ANKFY1: variants seen among roughly 807,000 people sequenced by gnomAD.
The protein encoded by ANKFY1 is ankyrin repeat and FYVE domain containing 1.
In ANKFY1, 47 loss-of-function variants were observed where a neutral mutation model predicts 128.3. The observed-to-expected ratio is 0.37, with a 90% confidence interval of 0.29 to 0.47. The LOEUF is 0.47. Among genes scored for constraint, ANKFY1 ranks in the 20% least tolerant of loss-of-function variants. The pLI, the probability that ANKFY1 is intolerant of heterozygous loss-of-function variation, is 1.00. For synonymous variants in ANKFY1, 553 were observed against 601.6 expected (o/e 0.92, Z 1.18); for missense variants, 1,222 against 1,510.6 (o/e 0.81, Z 3.17).
rs1160019883 is a variant in ANKFY1, at chr17:4,183,556, G to A, written c.1799-5C>T. The A allele has an allele frequency of 1.9e-6, 3 of 1,611,658 alleles. No individual in the cohort carries two copies. Among genetic ancestry groups the A allele is most frequent in the East Asian group, 4.5e-5 (2 of 44,882 alleles). ...GGGCTGCGATCGTGTGCATGCCTGG[G>A]AAACAAGCCCCGATCTCATCCAGGC... On this transcript the variant is annotated splice_region_variant and splice_polypyrimidine_tract_variant and intron_variant, in intron 13 of 24. Coordinates refer to ENST00000341657, the MANE Select transcript of ANKFY1 (RefSeq NM_001330063.2).
At chr17:4,200,318 C>G (rs1013972173) in intron 7 of ANKFY1, among the ~76,000 whole-genome samples, 4 of 152,170 alleles carry the variant, frequency 2.6e-5, no homozygotes, top group Non-Finnish European at 4.4e-5. Context: ...CCCACCTCAG[C>G]CTCCCAAAGT....
At chr17:4,217,683 ATTAT>A (rs1271265756) in intron 3 of ANKFY1, among the ~76,000 whole-genome samples, 1 of 151,914 alleles carries the variant, frequency 6.6e-6, no homozygotes, top group Non-Finnish European at 1.5e-5. Context: ...AAGAATTAAC[ATTAT>A]TTTTTTTTTC....
chr17:4,231,071 TA>T (rs2060504963), intron 3 of ANKFY1, among the ~76,000 whole-genome samples: 1 of 152,236 alleles, frequency 6.6e-6, no homozygotes, highest in African/African-American at 2.4e-5. Flanking sequence ...TAATACTTCC[TA>T]AACCATTCTT....
intron 3 of ANKFY1, chr17:4,223,737 G>C: frequency 6.3e-7 from 1 of 1,580,874 alleles, no homozygotes; most frequent in Middle Eastern, 1.7e-4. Flanking sequence ...GTGATGGCCT[G>C]TTGCTGGGCC....
In ANKFY1 at chr17:4,241,269, CTTCTTCTTTTTT is replaced by C. The variant is rs1388625230; in HGVS notation, c.203+975_203+986del. Among the ~76,000 whole-genome samples, 105 of 4,448 alleles carry C rather than the reference CTTCTTCTTTTTT, an allele frequency of 0.024. 1 individual carries two copies. In the East Asian group the frequency reaches 0.34, roughly 14 times the overall value. 2.9% of individuals were successfully genotyped at this position (4,448 alleles called of 152,430 possible). A position where few individuals can be genotyped will look rare whatever the true frequency, so the allele number is the denominator to read the frequency against. On this transcript the variant is annotated intron_variant, in intron 2 of 24. Coordinates refer to ENST00000341657, the MANE Select transcript of ANKFY1 (RefSeq NM_001330063.2). The stretch of plus-strand genomic sequence containing the variant: ...GTCGCCAGCTGAGCTTCTTCTTCTT[CTTCTTCTTTTTT>C]TTTTTTTTTTTTTTTTGAGATGGAG...
intron 3 of ANKFY1, chr17:4,223,814 G>A (rs2060371158): frequency 1.4e-6 from 2 of 1,407,698 alleles, no homozygotes; most frequent in African/African-American, 1.4e-5. Context: ...ATGCAGGCCT[G>A]GGGGCCTACG....
intron 5 of ANKFY1, 81 bp downstream of exon 5, chr17:4,209,743 C>A: frequency 2.7e-6 from 4 of 1,486,488 alleles, no homozygotes; most frequent in Non-Finnish European, 2.7e-6. Context: ...AGAGAGGTCA[C>A]TTTCCATGGA....
At chr17:4,172,508 A>G (rs778240425) in intron 22 of ANKFY1, 48 bp downstream of exon 22, 1 of 1,588,712 alleles carries the variant, frequency 6.3e-7, no homozygotes, top group Non-Finnish European at 8.6e-7. Context: ...TTTTCCAGGA[A>G]GCAAGGTGCG....
At position 4,167,894 on chromosome 17, in the gene ANKFY1, A is replaced by C. The variant is rs1443099417; in HGVS notation, c.3395T>G (p.Leu1132Arg). ...RKHHCRHCGR[L>R]LCHKCSTKEI... ...CTTGGTCGAGCATTTATGGCAAAGA[A>C]GACGTCCGCAGTGACGACTGTGGAA... is the stretch of plus-strand genomic sequence containing the variant. The change falls in exon 25 of 25, where the codon CTT becomes CGT. Residue 1132 changes from leucine (L) to arginine (R), a missense_variant. Transcript: ENST00000341657. This position sits in a 1 kb window ranked among gnomAD's most constrained non-coding sequence, Gnocchi z 4.1. 2.5e-6 allele frequency: 4 copies of C among 1,613,660 alleles called. No homozygotes were observed. Among genetic ancestry groups the C allele is most frequent in the Non-Finnish European group, 2.5e-6 (3 of 1,179,804 alleles).
intron 3 of ANKFY1, among the ~76,000 whole-genome samples, chr17:4,231,431 G>A (rs113497241): frequency 1.8e-4 from 27 of 152,228 alleles, no homozygotes; most frequent in African/African-American, 5.5e-4. Flanking sequence ...CAAGGCTTCA[G>A]TGAGCCGCGA....
chr17:4,256,198 G>A (rs1406717733), intron 1 of ANKFY1, among the ~76,000 whole-genome samples: 1 of 152,074 alleles, frequency 6.6e-6, no homozygotes, highest in Non-Finnish European at 1.5e-5. Context: ...GGAGGCCAAG[G>A]CGGGCGGATT....
chr17:4,239,332 A>G (rs781259294), intron 2 of ANKFY1, among the ~76,000 whole-genome samples: 1 of 152,208 alleles, frequency 6.6e-6, no homozygotes, highest in Non-Finnish European at 1.5e-5. Flanking sequence ...AGTAAGAAAC[A>G]AAGTTTTCAC....
At chr17:4,213,170 G>T (rs1180643681) in intron 4 of ANKFY1, among the ~76,000 whole-genome samples, 1 of 152,100 alleles carries the variant, frequency 6.6e-6, no homozygotes, top group Non-Finnish European at 1.5e-5. Flanking sequence ...GCAGGCACCT[G>T]CTTTACACTA....
intron 11 of ANKFY1, chr17:4,186,692 C>T (rs2059617777): frequency 4.3e-6 from 2 of 461,256 alleles, no homozygotes; most frequent in African/African-American, 2.1e-5. Context: ...CCTCTTCCTC[C>T]TCCTCCCCTG....
chr17:4,231,188 C>A (rs1273596674), intron 3 of ANKFY1, among the ~76,000 whole-genome samples: 1 of 152,186 alleles, frequency 6.6e-6, no homozygotes, highest in African/African-American at 2.4e-5. Flanking sequence ...TGAGGTTATG[C>A]ATTAATGGCA....
intron 11 of ANKFY1, among the ~76,000 whole-genome samples, chr17:4,185,739 TC>T (rs1156958940): frequency 2.9e-5 from 1 of 34,902 alleles, no homozygotes; most frequent in African/African-American, 3.4e-5. Context: ...GTTTTATAAT[TC>T]TTTTTTTTCT....
At chr17:4,196,996 G>A (rs952949099) in intron 8 of ANKFY1, among the ~76,000 whole-genome samples, 2 of 152,184 alleles carry the variant, frequency 1.3e-5, no homozygotes, top group Non-Finnish European at 2.9e-5. Flanking sequence ...GCGTGTGCCT[G>A]TAGTCTCACC....
rs2059177828 is a variant in ANKFY1 at position 4,164,520 on chromosome 17, G to A, written c.*3259C>T. On this transcript the variant is annotated 3_prime_UTR_variant, in exon 25 of 25. Transcript: ENST00000341657. ...AGTTCTTCTGGGACTTGTCCCAAGG[G>A]AAGCAAGTGTCTGTCATGGAAACAT... 6.6e-6 allele frequency: 1 copy of A among 152,316 alleles called. No individual in the cohort carries two copies. Among genetic ancestry groups the A allele is most frequent in the African/African-American group, 2.4e-5 (1 of 41,476 alleles). 9.4% of individuals were successfully genotyped at this position (152,316 alleles called of 1,614,324 possible).
At chr17:4,196,805 G>T (rs1413759079) in intron 8 of ANKFY1, among the ~76,000 whole-genome samples, 2 of 152,182 alleles carry the variant, frequency 1.3e-5, no homozygotes, top group Non-Finnish European at 2.9e-5. Flanking sequence ...TGACCACTCT[G>T]GTTCCTTCAA....
Sources: gnomAD v4.1 joint callset for allele counts (sites outside exome capture counted in the v4.1 genomes callset) on GRCh38, gnomAD v4.1.1 for gene constraint, Gnocchi (gnomAD v3.1) non-coding constraint, MANE v1.5 for transcripts, NCBI Gene and HGNC (gene_info 2026-07-23, HGNC 2026-07-21) for gene names.